The following EYA1 variants were observed in gnomAD, a reference collection of about 807,000 sequenced individuals.
EYA1 encodes the protein protein phosphatase EYA1.
Under a neutral mutation model 82.0 loss-of-function variants are expected in EYA1, and 16 were observed. The ratio of observed to expected loss-of-function variants is 0.20; its 90% CI spans 0.13 to 0.30. The LOEUF (loss-of-function observed/expected upper bound fraction) is 0.30. Ranked by LOEUF, EYA1 falls within the 10% of genes least tolerant of loss-of-function variation. The pLI, the probability that EYA1 is intolerant of heterozygous loss-of-function variation, is 1.00. For synonymous variants in EYA1, 261 were observed against 264.4 expected (o/e 0.99, Z 0.12); for missense variants, 633 against 730.7 (o/e 0.87, Z 1.54).
Position 71,538,012 on chromosome 8 carries a change from C to T in EYA1, c.-72-2164G>A, listed in dbSNP as rs972442237. On this transcript the variant is annotated intron_variant, in intron 1 of 18. Coordinates refer to the EYA1 transcript ENST00000643681. ...GATGCCTCCAGTAAAAAGACTACCA[C>T]TCAAAAATCAAAAAATCACAGCGAG... Among the ~76,000 whole-genome samples, 13 of 152,300 alleles carry T rather than the reference C, an allele frequency of 8.5e-5. No individual in the cohort carries two copies. The East Asian group carries it at 2.3e-3, about 27-fold the overall frequency.
intron 2 of EYA1, among the ~76,000 whole-genome samples, chr8:71,412,069 G>A (rs1830622403): frequency 6.7e-6 from 1 of 150,152 alleles, no homozygotes; most frequent in Non-Finnish European, 1.5e-5. Context: ...ATGAGTTCAT[G>A]TCCTTTGTAG....
chr8:71,236,185 G>C (rs138816142), intron 12 of EYA1, among the ~76,000 whole-genome samples: 1 of 151,934 alleles, frequency 6.6e-6, no homozygotes, highest in Non-Finnish European at 1.5e-5. Context: ...ACAGGTACAC[G>C]CCATCACGCC....
intron 7 of EYA1, among the ~76,000 whole-genome samples, chr8:71,310,296 A>G (rs1456623762): frequency 6.6e-6 from 1 of 152,168 alleles, no homozygotes; most frequent in Non-Finnish European, 1.5e-5. Flanking sequence ...TCAGAGGTAC[A>G]TGTGCAGGTT....
chr8:71,281,775 G>C (rs923044732), intron 9 of EYA1, among the ~76,000 whole-genome samples: 7 of 152,190 alleles, frequency 4.6e-5, no homozygotes, highest in Non-Finnish European at 7.4e-5. Flanking sequence ...CTTTATTTTT[G>C]AACAAGGGGC....
rs146104417 is a variant in EYA1, at chr8:71,537,509, G to A, written c.-72-1661C>T. ...ATTAACTGTTCCAGGCACCAAGGTG[G>A]GATTTTAAAATAATGATAATAATCC... On this transcript the variant is annotated intron_variant, in intron 1 of 18. Coordinates refer to the EYA1 transcript ENST00000643681. Among the ~76,000 whole-genome samples the A allele has an allele frequency of 5.7e-3, 875 of 152,184 alleles. 10 individuals are homozygous for A. Among genetic ancestry groups the A allele is most frequent in the Non-Finnish European group, 8.1e-3 (551 of 67,994 alleles).
At chr8:71,318,130 C>T (rs556437161) in intron 6 of EYA1, among the ~76,000 whole-genome samples, 99 of 152,062 alleles carry the variant, frequency 6.5e-4, no homozygotes, top group Non-Finnish European at 1.2e-3. Flanking sequence ...TAATTAGATC[C>T]TATACCATCA....
chr8:71,461,788 G>T (rs1215559108), intron 2 of EYA1, among the ~76,000 whole-genome samples: 1 of 152,134 alleles, frequency 6.6e-6, no homozygotes, highest in Non-Finnish European at 1.5e-5. Context: ...TACACAGCCA[G>T]GGTGTCCCTC....
At chr8:71,351,165 T>C (rs560138424) in intron 3 of EYA1, among the ~76,000 whole-genome samples, 2 of 152,272 alleles carry the variant, frequency 1.3e-5, no homozygotes, top group South Asian at 2.1e-4. Flanking sequence ...TGGTTTTACG[T>C]CACCTAAAGA....
chr8:71,448,234 C>A lies in EYA1; in HGVS notation c.33+87510G>T, dbSNP rs1041075756. On this transcript the variant is annotated intron_variant, in intron 2 of 18. Transcript: ENST00000643681. ...AAAATTAAAGACAATCTTCTCAAACCTGCCTCTGTTTTCTCAACTAGGCTG... is the reference window on the plus strand; with the variant it reads ...AAAATTAAAGACAATCTTCTCAAACATGCCTCTGTTTTCTCAACTAGGCTG... Among the ~76,000 whole-genome samples, 7 of 152,074 alleles carry A rather than the reference C, an allele frequency of 4.6e-5. No individual in the cohort carries two copies. The East Asian group carries it at 1.2e-3, about 25-fold the overall frequency.
At chr8:71,271,979 G>A (rs1816599966) in intron 9 of EYA1, 82 bp from the exon 10 acceptor site, 3 of 1,443,076 alleles carry the variant, frequency 2.1e-6, no homozygotes, top group Middle Eastern at 1.8e-4. Flanking sequence ...TTCACAAGGG[G>A]AGTTTCAATA....
At chr8:71,223,265 T>C (rs1563645930) in intron 12 of EYA1, among the ~76,000 whole-genome samples, 1 of 152,100 alleles carries the variant, frequency 6.6e-6, no homozygotes, top group Non-Finnish European at 1.5e-5. Context: ...ATGGCACCAG[T>C]CAGAGGTGCG....
intron 11 of EYA1, among the ~76,000 whole-genome samples, chr8:71,247,001 C>A (rs886900422): frequency 6.6e-5 from 10 of 151,206 alleles, no homozygotes; most frequent in Admixed American, 2.6e-4. Context: ...CCTCTTGGCA[C>A]TACCCACATC....
At chr8:71,488,779 A>T (rs565200937) in intron 2 of EYA1, among the ~76,000 whole-genome samples, 4 of 152,348 alleles carry the variant, frequency 2.6e-5, no homozygotes, top group African/African-American at 4.8e-5. Context: ...CAGATTCACA[A>T]GAACATTCAT....
At chr8:71,530,403 A>T (rs1481319547) in intron 2 of EYA1, among the ~76,000 whole-genome samples, 1 of 152,174 alleles carries the variant, frequency 6.6e-6, no homozygotes, top group Non-Finnish European at 1.5e-5. Flanking sequence ...GTTTTAAGCC[A>T]CCCACTTTGT....
chr8:71,204,714 G>T (rs1254170793), intron 17 of EYA1, among the ~76,000 whole-genome samples: 2 of 152,184 alleles, frequency 1.3e-5, no homozygotes, highest in Non-Finnish European at 2.9e-5. Flanking sequence ...ATACTTATTT[G>T]TGCTTTCATG....
At chr8:71,427,108 G>A (rs1015449821) in intron 2 of EYA1, among the ~76,000 whole-genome samples, 4 of 152,318 alleles carry the variant, frequency 2.6e-5, no homozygotes, top group South Asian at 4.1e-4. Flanking sequence ...TCTTCCGTGT[G>A]ACTGATCTAA....
rs1471726180 is a variant in EYA1 at position 71,356,465 on chromosome 8, C to A, written c.-8G>T. 6.3e-7 allele frequency: 1 copy of A among 1,584,480 alleles called. No individual in the cohort carries two copies. The highest frequency in any genetic ancestry group is 1.2e-5 in the South Asian group (1 of 86,176). On this transcript the variant is annotated 5_prime_UTR_variant, in exon 2 of 18. Transcript: ENST00000340726. ...CAAATATCAACAATATCCTTACCTG[C>A]AACTTGAGGAAACAGCAACATCTGA...
chr8:71,308,039 T>C (rs1372770260), intron 7 of EYA1, among the ~76,000 whole-genome samples: 1 of 152,226 alleles, frequency 6.6e-6, no homozygotes, highest in Non-Finnish European at 1.5e-5. Context: ...AACATCATCA[T>C]GTGAGATGGC....
intron 2 of EYA1, among the ~76,000 whole-genome samples, chr8:71,374,213 G>C (rs1828240617): frequency 6.6e-6 from 1 of 152,036 alleles, no homozygotes. Context: ...TGGATTGGGA[G>C]AAAATATTTA....
Sources: gnomAD v4.1 joint callset for allele counts (sites outside exome capture counted in the v4.1 genomes callset) on GRCh38, gnomAD v4.1.1 for gene constraint, MANE v1.5 for transcripts, NCBI Gene and HGNC (gene_info 2026-07-23, HGNC 2026-07-21) for gene names.